ULK4: variants seen among roughly 807,000 people sequenced by gnomAD.
ULK4 encodes unc-51 like kinase 4.
Under a neutral mutation model 160.6 loss-of-function variants are expected in ULK4, and 133 were observed. The observed-to-expected ratio is 0.83, with a 90% CI of 0.72 to 0.96. ULK4 has a LOEUF of 0.96. Ranked by LOEUF, ULK4 falls within the 40% of genes least tolerant of loss-of-function variation. The probability of loss-of-function intolerance (pLI) is 0.00; values close to 1 mark genes in which losing one functional copy is unlikely to be tolerated. For missense variants in ULK4, 1,580 were observed against 1,499.5 expected (o/e 1.05, Z -0.89); for synonymous variants, 534 against 539.8 (o/e 0.99, Z 0.15).
In ULK4 at chr3:41,867,974, T is replaced by C. The variant is rs188010038; in HGVS notation, c.1656+15900A>G. On this transcript the variant is annotated intron_variant, in intron 17 of 36. Transcript: ENST00000301831. ...CATTTCTAATTTAATTCCATCATGG[T>C]CAGAGAACATATTATAAATAATTTC... Among the ~76,000 whole-genome samples, 13 of 152,326 alleles carry C rather than the reference T, an allele frequency of 8.5e-5. No homozygotes were observed. In the East Asian group the frequency reaches 2.5e-3, roughly 29 times the overall value.
At chr3:41,685,595 C>T (rs1268881612) in intron 27 of ULK4, among the ~76,000 whole-genome samples, 1 of 152,194 alleles carries the variant, frequency 6.6e-6, no homozygotes, top group African/African-American at 2.4e-5. Flanking sequence ...AGCCTTGTTG[C>T]CATTGGCCAG....
At chr3:41,869,832 A>G (rs1171663817) in intron 17 of ULK4, among the ~76,000 whole-genome samples, 1 of 152,124 alleles carries the variant, frequency 6.6e-6, no homozygotes. Context: ...ATTCTTGTAA[A>G]CCCAGGTTTA....
intron 17 of ULK4, among the ~76,000 whole-genome samples, chr3:41,866,667 T>C (rs1006782031): frequency 6.6e-6 from 1 of 152,170 alleles, no homozygotes; most frequent in Non-Finnish European, 1.5e-5. Flanking sequence ...TGGGGACCCC[T>C]GTATTAATGT....
At chr3:41,958,415 T>C (rs1030933310) in intron 1 of ULK4, among the ~76,000 whole-genome samples, 1 of 152,010 alleles carries the variant, frequency 6.6e-6, no homozygotes, top group East Asian at 1.9e-4. Context: ...AACTGGTGAA[T>C]ATATTGGCAG....
At chr3:41,562,762 G>A (rs1019862473) in intron 32 of ULK4, among the ~76,000 whole-genome samples, 1 of 151,800 alleles carries the variant, frequency 6.6e-6, no homozygotes, top group Non-Finnish European at 1.5e-5. Flanking sequence ...GTCTCTGCAT[G>A]TGAGATGAGT....
intron 31 of ULK4, among the ~76,000 whole-genome samples, chr3:41,574,528 C>CTTTTTTTT (rs1559406622): frequency 9.4e-6 from 1 of 106,286 alleles, no homozygotes; most frequent in Non-Finnish European, 1.9e-5. Context: ...CTACCAGAGT[C>CTTTTTTTT]CTCTTTTTTT....
intron 22 of ULK4, among the ~76,000 whole-genome samples, chr3:41,753,211 C>T (rs974225014): frequency 3.3e-5 from 5 of 152,040 alleles, no homozygotes; most frequent in Admixed American, 3.3e-4. Context: ...AGAGTAAGAC[C>T]CTGTCTCCAA....
rs577997948 is a variant in ULK4 at position 41,415,959 on chromosome 3, G to A, written c.3493-17695C>T. Among the ~76,000 whole-genome samples the A allele has an allele frequency of 5.9e-5, 9 of 152,314 alleles. No individual in the cohort carries two copies. In the South Asian group the frequency reaches 1.0e-3, roughly 18 times the overall value. ...GATACCCTCAAGTAATGCAAATGAT[G>A]TGAATTTTTATATGTCAAACATTAT... On this transcript the variant is annotated intron_variant, in intron 34 of 36. Transcript: ENST00000301831.
chr3:41,386,247 C>T (rs1435851157), intron 35 of ULK4, among the ~76,000 whole-genome samples: 1 of 152,148 alleles, frequency 6.6e-6, no homozygotes, highest in Non-Finnish European at 1.5e-5. Context: ...CAACTAGAGT[C>T]TAATTTTGCA....
rs180716439 is a variant in ULK4, at chr3:41,626,649, C to T, written c.3072-10932G>A. Among the ~76,000 whole-genome samples, 145 of 151,904 alleles carry T rather than the reference C, an allele frequency of 9.5e-4. 2 individuals are homozygous for T. In the South Asian group the frequency reaches 0.012, roughly 13 times the overall value. ...ACGCCATTCTCCTGCCTCAGCCACC[C>T]GAGTAGCTAGGACTACAGGCGCCCG... is the stretch of plus-strand genomic sequence containing the variant. On this transcript the variant is annotated intron_variant, in intron 30 of 36. Coordinates refer to ENST00000301831, the MANE Select transcript of ULK4 (RefSeq NM_017886.4).
intron 30 of ULK4, among the ~76,000 whole-genome samples, chr3:41,645,736 C>G (rs1286383492): frequency 6.6e-6 from 1 of 152,084 alleles, no homozygotes; most frequent in Non-Finnish European, 1.5e-5. Flanking sequence ...AGTTCAATTC[C>G]TGGGTATCCT....
chr3:41,637,882 T>C (rs1030963888), intron 30 of ULK4, among the ~76,000 whole-genome samples: 2 of 152,176 alleles, frequency 1.3e-5, no homozygotes, highest in Non-Finnish European at 2.9e-5. Flanking sequence ...ATTTTATCAT[T>C]GGGTTGGTTT....
chr3:41,610,635 T>G (rs1385763094), intron 31 of ULK4, among the ~76,000 whole-genome samples: 1 of 152,222 alleles, frequency 6.6e-6, no homozygotes, highest in Non-Finnish European at 1.5e-5. Flanking sequence ...AAAATACAGT[T>G]GACTTGAAAG....
rs376132892 is a variant in ULK4, at chr3:41,882,497, A to G, written c.1656+1377T>C. ...TGGATAGTTCAACAAATCTGAAACT[A>G]TCATCCATGCCTTTTTAGTTCATAA... On this transcript the variant is annotated intron_variant, in intron 17 of 36. Transcript: ENST00000301831. Among the ~76,000 whole-genome samples, 164 of 152,338 alleles carry G rather than the reference A, an allele frequency of 1.1e-3. 5 individuals carry two copies. The South Asian group carries it at 0.033, about 31-fold the overall frequency.
At chr3:41,499,718 A>C (rs1031506991) in intron 32 of ULK4, among the ~76,000 whole-genome samples, 1 of 152,234 alleles carries the variant, frequency 6.6e-6, no homozygotes, top group Admixed American at 6.5e-5. Flanking sequence ...ATATCCCAGG[A>C]GCAAAAAAAT....
chr3:41,775,562 C>G lies in ULK4; in HGVS notation c.2193+14099G>C, dbSNP rs184934269. ...TACAGGCACACACCACCACACCCAG[C>G]TAATTTTTGTATTTTTAGTAGAGAT... On this transcript the variant is annotated intron_variant, in intron 21 of 36. Coordinates refer to ENST00000301831, the MANE Select transcript of ULK4 (RefSeq NM_017886.4). Among the ~76,000 whole-genome samples, 238 of 150,394 alleles carry G rather than the reference C, an allele frequency of 1.6e-3. 15 individuals carry two copies. Among genetic ancestry groups the G allele is most frequent in the African/African-American group, 5.7e-3 (228 of 39,874 alleles).
intron 35 of ULK4, among the ~76,000 whole-genome samples, chr3:41,309,722 T>C (rs2080013407): frequency 6.6e-6 from 1 of 152,204 alleles, no homozygotes; most frequent in Non-Finnish European, 1.5e-5. Flanking sequence ...TCGGTTAAAA[T>C]ACTTTTCTAA....
chr3:41,389,527 T>C (rs993030125), intron 35 of ULK4, among the ~76,000 whole-genome samples: 4 of 152,206 alleles, frequency 2.6e-5, no homozygotes, highest in Admixed American at 6.5e-5. Flanking sequence ...ATAGCTCTTA[T>C]TATTTTGACA....
intron 4 of ULK4, among the ~76,000 whole-genome samples, chr3:41,934,065 T>A (rs924467440): frequency 9.2e-5 from 14 of 151,998 alleles, no homozygotes; most frequent in Admixed American, 6.6e-4. Flanking sequence ...AATAAAAAAA[T>A]TTTAAAAATG....
Sources: gnomAD v4.1 joint callset for allele counts (sites outside exome capture counted in the v4.1 genomes callset) on GRCh38, gnomAD v4.1.1 for gene constraint, MANE v1.5 for transcripts, NCBI Gene and HGNC (gene_info 2026-07-23, HGNC 2026-07-21) for gene names.